Variants in LIPC observed in about 807,000 individuals in gnomAD.
The protein encoded by LIPC is lipase C, hepatic type.
A neutral mutation model predicts 50.7 loss-of-function variants in LIPC; 44 were observed. The observed-to-expected ratio is 0.87, with a 90% CI of 0.68 to 1.11. LIPC has a LOEUF of 1.11. Ranked by LOEUF, LIPC falls within the 50% of genes most tolerant of loss-of-function variation. The probability of loss-of-function intolerance (pLI) is 0.00; values close to 1 mark genes in which losing one functional copy is unlikely to be tolerated. For missense variants in LIPC, 697 were observed against 648.2 expected, an observed-to-expected ratio of 1.08 and a Z score of -0.82; for synonymous variants, 271 against 256.4, an observed-to-expected ratio of 1.06 and a Z score of -0.54.
At chr15:58,512,183 CCTT>C (rs1892350119) in intron 1 of LIPC, among the ~76,000 whole-genome samples, 1 of 151,732 alleles carries the variant, frequency 6.6e-6, no homozygotes, top group African/African-American at 2.4e-5. Flanking sequence ...ACTGCAACCT[CCTT>C]CTCCCAGGTT....
At chr15:58,443,919 G>T (rs1893594259) in intron 1 of LIPC, among the ~76,000 whole-genome samples, 1 of 152,206 alleles carries the variant, frequency 6.6e-6, no homozygotes, top group Admixed American at 6.5e-5. Flanking sequence ...CTTCTTCAGG[G>T]TGGGGGAGAT....
At chr15:58,533,537 T>C (rs1204979558) in intron 1 of LIPC, among the ~76,000 whole-genome samples, 1 of 152,224 alleles carries the variant, frequency 6.6e-6, no homozygotes. Context: ...TTGTTTGTAA[T>C]AGGGCAAATA....
chr15:58,537,941 G>A (rs1893189631), intron 1 of LIPC, among the ~76,000 whole-genome samples: 1 of 152,250 alleles, frequency 6.6e-6, no homozygotes, highest in African/African-American at 2.4e-5. Context: ...ATGTAGGGAT[G>A]AAATTGGAGA....
At chr15:58,539,706 T>C (rs1893257786) in intron 2 of LIPC, among the ~76,000 whole-genome samples, 1 of 152,152 alleles carries the variant, frequency 6.6e-6, no homozygotes, top group South Asian at 2.1e-4. Flanking sequence ...CACCTCTCCC[T>C]GCCTCCCACA....
intron 1 of LIPC, among the ~76,000 whole-genome samples, chr15:58,519,792 C>T (rs1892599535): frequency 6.6e-6 from 1 of 152,182 alleles, no homozygotes; most frequent in Non-Finnish European, 1.5e-5. Context: ...CTCTTAGCAT[C>T]CGTTTCTTTA....
chr15:58,523,878 T>A (rs1288811401), intron 1 of LIPC, among the ~76,000 whole-genome samples: 6 of 151,686 alleles, frequency 4.0e-5, no homozygotes, highest in African/African-American at 1.4e-4. Flanking sequence ...AAGGCTGCAG[T>A]GAGCTACGAT....
chr15:58,563,691 G>A lies in LIPC; in HGVS notation c.1356G>A (p.Thr452=), dbSNP rs187073350. The A allele has an allele frequency of 2.0e-5, 33 of 1,613,584 alleles. No homozygotes were observed. The East Asian group carries it at 3.8e-4, about 19-fold the overall frequency. The change falls in exon 8 of 9, where the codon ACG becomes ACA. Residue 452 remains threonine, a synonymous_variant. Transcript: ENST00000299022. ...GCCACTCAGGCCTCGTTCTGAAGAC[G>A]ATCAGAGTCAAAGCAGGAGAAACCC... ...GPRHSGLVLK[T]IRVKAGETQQ... is the part of the protein sequence containing the mutation.
chr15:58,493,968 T>C (rs1195750870), intron 1 of LIPC, among the ~76,000 whole-genome samples: 3 of 151,930 alleles, frequency 2.0e-5, no homozygotes, highest in Non-Finnish European at 4.4e-5. Flanking sequence ...TTTTAAGAAA[T>C]GAGAGTAGGG....
intron 1 of LIPC, among the ~76,000 whole-genome samples, chr15:58,486,940 C>T (rs1318298873): frequency 6.6e-6 from 1 of 152,184 alleles, no homozygotes; most frequent in Non-Finnish European, 1.5e-5. Context: ...CTAGAAGTGC[C>T]ACCTGGTGAG....
chr15:58,471,116 AT>A lies in LIPC; in HGVS notation c.88+39006del, dbSNP rs1157605802. 3.5e-3 allele frequency among the ~76,000 whole-genome samples: 467 copies of A among 131,864 alleles called. 2 individuals are homozygous for A. The highest frequency in any genetic ancestry group is 0.012 in the African/African-American group (432 of 35,874). 86.5% of individuals were successfully genotyped at this position (131,864 alleles called of 152,430 possible). ...GTCTAGGCCAGAGATGGTAAGTAGG[AT>A]TTTTTTTTTCTTTTCTCTTTTTTTT... On this transcript the variant is annotated intron_variant, in intron 1 of 8. Transcript: ENST00000299022.
At chr15:58,549,768 G>A (rs1413997808) in intron 6 of LIPC, among the ~76,000 whole-genome samples, 2 of 152,230 alleles carry the variant, frequency 1.3e-5, no homozygotes, top group African/African-American at 4.8e-5. Context: ...CTGAAGAGTA[G>A]TTGGTGTGAG....
chr15:58,562,805 A>AGCCCCCCCC, intron 7 of LIPC, among the ~76,000 whole-genome samples: 1 of 141,562 alleles, frequency 7.1e-6, no homozygotes, highest in African/African-American at 2.6e-5. Context: ...CACACAAGGG[A>AGCCCCCCCC]CCCCCCCCCA....
intron 4 of LIPC, among the ~76,000 whole-genome samples, chr15:58,544,067 T>C (rs956463934): frequency 1.3e-5 from 2 of 152,240 alleles, no homozygotes; most frequent in African/African-American, 4.8e-5. Flanking sequence ...CTCATGCTTT[T>C]TTGTTCATCT....
intron 6 of LIPC, among the ~76,000 whole-genome samples, chr15:58,557,519 A>G (rs568830972): frequency 2.3e-4 from 35 of 150,440 alleles, no homozygotes; most frequent in Non-Finnish European, 4.1e-4. Context: ...CCAGCAGCTG[A>G]GACTACAGGC....
chr15:58,527,539 C>T (rs1459577786), intron 1 of LIPC, among the ~76,000 whole-genome samples: 2 of 152,208 alleles, frequency 1.3e-5, no homozygotes, highest in Non-Finnish European at 2.9e-5. Context: ...GGCGGTACCA[C>T]CCACCAATGG....
At chr15:58,520,238 T>TA (rs1355044445) in intron 1 of LIPC, among the ~76,000 whole-genome samples, 12 of 151,448 alleles carry the variant, frequency 7.9e-5, no homozygotes, top group Non-Finnish European at 1.8e-4. Flanking sequence ...TGTTAAAACC[T>TA]AAAAGCAATT....
intron 1 of LIPC, among the ~76,000 whole-genome samples, chr15:58,464,340 G>T (rs1894462913): frequency 6.6e-6 from 1 of 152,164 alleles, no homozygotes; most frequent in Admixed American, 6.5e-5. Context: ...CGGCTCCAAA[G>T]AGCCTAACTC....
chr15:58,513,767 A>G (rs150975035), intron 1 of LIPC, among the ~76,000 whole-genome samples: 1 of 152,108 alleles, frequency 6.6e-6, no homozygotes, highest in Non-Finnish European at 1.5e-5. Flanking sequence ...GAGAAACCCC[A>G]CGGCAGCTGG....
At chr15:58,432,404 T>C in intron 1 of LIPC, 1 of 450,142 alleles carries the variant, frequency 2.2e-6, no homozygotes. Context: ...CTAAAAGTTA[T>C]TCAGCGGCAA....
Sources: gnomAD v4.1 joint callset for allele counts (sites outside exome capture counted in the v4.1 genomes callset) on GRCh38, gnomAD v4.1.1 for gene constraint, MANE v1.5 for transcripts, NCBI Gene and HGNC (gene_info 2026-07-23, HGNC 2026-07-21) for gene names.